Variants in RTN3 observed in about 807,000 individuals in gnomAD.
RTN3 encodes reticulon-3.
In RTN3, 49 loss-of-function variants were observed where a neutral mutation model predicts 77.8. That is an observed-to-expected ratio of 0.63 (90% CI 0.50 to 0.80). The LOEUF (loss-of-function observed/expected upper bound fraction) is 0.80, where lower values mean the gene tolerates loss of function less well. RTN3 is among the 30% of genes least tolerant of loss of function. The pLI is 0.00. For missense variants in RTN3, 1,236 were observed against 1,211.9 expected (o/e 1.02, Z -0.29); for synonymous variants, 464 against 446.9 (o/e 1.04, Z -0.48).
rs148466478 is a variant in RTN3, at chr11:63,685,034, A to G, written c.142+3256A>G. Among the ~76,000 whole-genome samples, 1,028 of 152,226 alleles carry G rather than the reference A, an allele frequency of 6.8e-3. 10 individuals carry two copies. The highest frequency in any genetic ancestry group is 0.011 in the Non-Finnish European group (778 of 67,986). On this transcript the variant is annotated intron_variant, in intron 1 of 8. Coordinates refer to ENST00000377819, the MANE Select transcript of RTN3 (RefSeq NM_001265589.2). ...CTCGGCCTCCCAAGGTGTTGGGATT[A>G]CAGGCATGAGCCACTGAGCCCAGCC... is the stretch of plus-strand genomic sequence containing the variant.
intron 1 of RTN3, among the ~76,000 whole-genome samples, chr11:63,684,986 C>T (rs1021485500): frequency 6.6e-6 from 1 of 151,954 alleles, no homozygotes; most frequent in African/African-American, 2.4e-5. Context: ...TCTTGAACTC[C>T]TGACCTCAAG....
In RTN3 at chr11:63,681,507, C is replaced by T. The variant is rs1030600934; in HGVS notation, c.-130C>T. The T allele has an allele frequency of 5.2e-6, 5 of 959,432 alleles. No homozygotes were observed. The highest frequency in any genetic ancestry group is 3.5e-4 in the Middle Eastern group (1 of 2,836). 59.4% of individuals were successfully genotyped at this position (959,432 alleles called of 1,614,324 possible). On this transcript the variant is annotated 5_prime_UTR_variant, in exon 1 of 9. Coordinates refer to ENST00000377819, the MANE Select transcript of RTN3 (RefSeq NM_001265589.2). ...CGCTCGGCTGAGTCAGTCAGTCTGT[C>T]GGAGTCTGTCCTCGGAGCAGGCGGA...
intron 3 of RTN3, among the ~76,000 whole-genome samples, chr11:63,745,795 G>A (rs2013759718): frequency 1.3e-5 from 2 of 152,112 alleles, no homozygotes; most frequent in South Asian, 4.1e-4. Context: ...TGAAGACAGG[G>A]TGACTTTTTC....
At chr11:63,702,661 C>T (rs1048439810) in intron 1 of RTN3, among the ~76,000 whole-genome samples, 2 of 148,432 alleles carry the variant, frequency 1.3e-5, no homozygotes, top group Non-Finnish European at 3.0e-5. Flanking sequence ...TTTAAGCACA[C>T]TGCACTTTGT....
intron 1 of RTN3, among the ~76,000 whole-genome samples, chr11:63,693,540 A>ACC: frequency 6.6e-6 from 1 of 152,284 alleles, no homozygotes; most frequent in Non-Finnish European, 1.5e-5. Context: ...TGTCAAATTC[A>ACC]TTCATAAACT....
At chr11:63,752,755 C>G in intron 5 of RTN3, 110 bp downstream of exon 5, 2 of 1,158,254 alleles carry the variant, frequency 1.7e-6, no homozygotes, top group Non-Finnish European at 2.5e-6. Context: ...TGAACGTATG[C>G]TTAGCTCAGT....
intron 1 of RTN3, among the ~76,000 whole-genome samples, chr11:63,696,868 TCTTTCTTTC>T (rs1565304420): frequency 1.4e-5 from 1 of 70,858 alleles, no homozygotes; most frequent in Non-Finnish European, 2.6e-5. Context: ...TTTCTTTCTT[TCTTTCTTTC>T]TTTCTTTTTT....
chr11:63,699,467 G>T (rs2134695869), intron 1 of RTN3, among the ~76,000 whole-genome samples: 1 of 152,124 alleles, frequency 6.6e-6, no homozygotes, highest in East Asian at 1.9e-4. Flanking sequence ...CACTGCCTTA[G>T]TGCGAGCCCT....
At chr11:63,726,774 T>A (rs1461983358) in intron 3 of RTN3, among the ~76,000 whole-genome samples, 2 of 151,046 alleles carry the variant, frequency 1.3e-5, no homozygotes, top group South Asian at 4.2e-4. Flanking sequence ...GGCAGGAGAA[T>A]CGCTTGAACC....
rs191032923 is a variant in RTN3, at chr11:63,755,817, G to T, written c.2995-295G>T. 1.4e-4 allele frequency among the ~76,000 whole-genome samples: 21 copies of T among 151,966 alleles called. No homozygotes were observed. In the East Asian group the frequency reaches 4.1e-3, roughly 29 times the overall value. ...TACTAAAAATATAAAAAATTAGCCA[G>T]GCGTGGTGGCGGGCGCCCGTAGTCC... On this transcript the variant is annotated intron_variant, in intron 7 of 8. Coordinates refer to ENST00000377819, the MANE Select transcript of RTN3 (RefSeq NM_001265589.2).
At chr11:63,704,975 A>T (rs1590807231) in intron 2 of RTN3, 68 bp downstream of exon 2, 2 of 1,156,612 alleles carry the variant, frequency 1.7e-6, no homozygotes, top group South Asian at 2.4e-5. Context: ...GTAACTGGGG[A>T]TACGAGGCAC....
chr11:63,697,990 AC>A (rs1396479267), intron 1 of RTN3, among the ~76,000 whole-genome samples: 1 of 151,202 alleles, frequency 6.6e-6, no homozygotes, highest in African/African-American at 2.4e-5. Context: ...TCCCTTTATC[AC>A]CCGTATTTCC....
rs1565048048 is a variant in RTN3 at position 63,753,649 on chromosome 11, TTC to T, written c.2948-11_2948-10del. On this transcript the variant is annotated splice_polypyrimidine_tract_variant and intron_variant, in intron 6 of 8. Transcript: ENST00000377819. ...CATATACACTTGCCATGTCCCATGATTCTGTCTTACAGCTGAACTGCTCATTT... is the reference window on the plus strand; with the variant it reads ...CATATACACTTGCCATGTCCCATGATTGTCTTACAGCTGAACTGCTCATTT... 6 of 1,612,384 alleles carry T rather than the reference TTC, an allele frequency of 3.7e-6. No homozygotes were observed. Among genetic ancestry groups the T allele is most frequent in the Non-Finnish European group, 5.1e-6 (6 of 1,178,650 alleles).
At chr11:63,694,334 G>A (rs928685502) in intron 1 of RTN3, among the ~76,000 whole-genome samples, 11 of 151,870 alleles carry the variant, frequency 7.2e-5, no homozygotes, top group African/African-American at 9.7e-5. Context: ...GCGCCACCAC[G>A]TCCGGCTAAT....
chr11:63,696,857 TTTTCTTTC>T (rs1272351873), intron 1 of RTN3, among the ~76,000 whole-genome samples: 3 of 92,246 alleles, frequency 3.3e-5, no homozygotes, highest in African/African-American at 1.3e-4. Context: ...CCTGTTGCTA[TTTTCTTTC>T]TTTCTTTCTT....
chr11:63,725,146 C>T (rs765724169), intron 3 of RTN3, among the ~76,000 whole-genome samples: 1 of 152,074 alleles, frequency 6.6e-6, no homozygotes, highest in Non-Finnish European at 1.5e-5. Flanking sequence ...CTTCCCCAGA[C>T]GTAACACCGT....
Position 63,719,065 on chromosome 11 carries a change from A to AT in RTN3, c.564dup (p.Gly189TrpfsTer5). 1 of 1,614,180 alleles carries AT rather than the reference A, an allele frequency of 6.2e-7. No individual in the cohort carries two copies. The highest frequency in any genetic ancestry group is 1.1e-5 in the South Asian group (1 of 91,080). ...ATAGATAAAGAGACCAAGAACCCAAATGGGGTATCAAGTAGGGAGGCTAAA... is the reference window on the plus strand; with the variant it reads ...ATAGATAAAGAGACCAAGAACCCAAATTGGGGTATCAAGTAGGGAGGCTAAA... On this transcript the variant is annotated frameshift_variant, in exon 3 of 9. Coordinates refer to ENST00000377819, the MANE Select transcript of RTN3 (RefSeq NM_001265589.2). LOFTEE classifies it high-confidence loss of function.
At chr11:63,739,723 G>T (rs1021363884) in intron 3 of RTN3, among the ~76,000 whole-genome samples, 1 of 152,178 alleles carries the variant, frequency 6.6e-6, no homozygotes, top group African/African-American at 2.4e-5. Flanking sequence ...CACTGACTTG[G>T]ACAGTCTTCT....
rs574271829 is a variant in RTN3 at position 63,707,347 on chromosome 11, C to T, written c.199+2440C>T. 5.9e-5 allele frequency among the ~76,000 whole-genome samples: 9 copies of T among 152,142 alleles called. No individual in the cohort carries two copies. In the South Asian group the frequency reaches 1.9e-3, roughly 32 times the overall value. The stretch of plus-strand genomic sequence containing the variant: ...TTTAATCCCTGGTTAACAACACTTA[C>T]ATGTACACTCAAGTAGAAGGGAGGT... On this transcript the variant is annotated intron_variant, in intron 2 of 8. Coordinates refer to ENST00000377819, the MANE Select transcript of RTN3 (RefSeq NM_001265589.2).
Sources: gnomAD v4.1 joint callset for allele counts (sites outside exome capture counted in the v4.1 genomes callset) on GRCh38, gnomAD v4.1.1 for gene constraint, MANE v1.5 for transcripts, NCBI Gene and HGNC (gene_info 2026-07-23, HGNC 2026-07-21) for gene names.